Variants in DAB1 observed in about 807,000 individuals in gnomAD.
The protein encoded by DAB1 is DAB adaptor protein 1.
DAB1 carries 15 observed loss-of-function variants against 64.6 expected under a neutral mutation model. The observed-to-expected ratio is 0.23, with a 90% confidence interval of 0.16 to 0.36. DAB1 has a LOEUF of 0.36. Ranked by LOEUF, DAB1 falls within the 10% of genes least tolerant of loss-of-function variation. The pLI, the probability that DAB1 is intolerant of heterozygous loss-of-function variation, is 1.00. For missense variants in DAB1, 596 were observed against 706.7 expected (o/e 0.84, Z 1.78); for synonymous variants, 235 against 251.9 (o/e 0.93, Z 0.64).
intron 6 of DAB1, among the ~76,000 whole-genome samples, chr1:57,755,039 AAC>A (rs1394156157): frequency 5.4e-4 from 82 of 152,338 alleles, no homozygotes; most frequent in African/African-American, 1.9e-3. Flanking sequence ...AAGGTAATCA[AAC>A]ACACAATAAA....
At chr1:57,427,718 CAAAT>C (rs754830769), upstream of DAB1, among the ~76,000 whole-genome samples, 43 of 152,082 alleles carry the variant, frequency 2.8e-4, no homozygotes, top group Non-Finnish European at 5.6e-4. Context: ...GTATAATTGA[CAAAT>C]AATGCCTCAA....
At chr1:58,292,162 C>T (rs1336911305) in intron 4 of DAB1, among the ~76,000 whole-genome samples, 1 of 152,164 alleles carries the variant, frequency 6.6e-6, no homozygotes, top group African/African-American at 2.4e-5. Flanking sequence ...GGCCTTCAGA[C>T]TCAGGCTGAA....
chr1:57,149,307 G>A (rs911002111), intron 2 of DAB1, among the ~76,000 whole-genome samples: 7 of 152,250 alleles, frequency 4.6e-5, no homozygotes, highest in African/African-American at 7.2e-5. Context: ...AAGTTTTTGT[G>A]TGGCTGTATA....
intron 3 of DAB1, among the ~76,000 whole-genome samples, chr1:58,495,693 T>C (rs1255078233): frequency 6.7e-6 from 1 of 148,366 alleles, no homozygotes; most frequent in East Asian, 2.0e-4. Flanking sequence ...GCTAAGGATC[T>C]TCCACCATAA....
At chr1:57,185,458 A>G (rs1318356013) in intron 2 of DAB1, among the ~76,000 whole-genome samples, 2 of 152,174 alleles carry the variant, frequency 1.3e-5, no homozygotes, top group South Asian at 2.1e-4. Context: ...CTGAGAGACA[A>G]TGCAAGATGT....
chr1:57,025,928 T>G, intron 10 of DAB1, 53 bp downstream of exon 10: 1 of 1,399,278 alleles, frequency 7.1e-7, no homozygotes, highest in Non-Finnish European at 9.7e-7. Flanking sequence ...ACTGAGGGGA[T>G]GTGTAAAGAA....
chr1:58,313,905 C>T (rs1332329293), intron 4 of DAB1, among the ~76,000 whole-genome samples: 1 of 150,498 alleles, frequency 6.6e-6, no homozygotes, highest in Non-Finnish European at 1.5e-5. Context: ...ACCTACTCAC[C>T]TCCATCCCAA....
At chr1:57,396,375 T>G (rs1407210848) in intron 1 of DAB1, among the ~76,000 whole-genome samples, 6 of 152,236 alleles carry the variant, frequency 3.9e-5, no homozygotes, top group Non-Finnish European at 5.9e-5. Flanking sequence ...GCTGTTTTTT[T>G]GTTTTGTTTT....
intron 7 of DAB1, among the ~76,000 whole-genome samples, chr1:57,583,806 T>C (rs1645345147): frequency 1.3e-5 from 2 of 152,216 alleles, no homozygotes. Context: ...CAGGTAATCA[T>C]ATCTCCATCT....
At chr1:58,507,482 C>T (rs1195258048) in intron 2 of DAB1, among the ~76,000 whole-genome samples, 1 of 151,788 alleles carries the variant, frequency 6.6e-6, no homozygotes, top group Non-Finnish European at 1.5e-5. Context: ...AAATCTTATT[C>T]AATATTTAAA....
At chr1:58,167,603 G>T (rs1655930241) in intron 4 of DAB1, among the ~76,000 whole-genome samples, 1 of 152,196 alleles carries the variant, frequency 6.6e-6, no homozygotes, top group Non-Finnish European at 1.5e-5. Context: ...CGCTATGGAA[G>T]CTTTGTTCTT....
chr1:57,573,228 A>G (rs1464581123), intron 7 of DAB1, among the ~76,000 whole-genome samples: 1 of 152,006 alleles, frequency 6.6e-6, no homozygotes, highest in African/African-American at 2.4e-5. Flanking sequence ...GCTAGGACTC[A>G]GGTGTATACC....
intron 1 of DAB1, among the ~76,000 whole-genome samples, chr1:57,411,851 G>A (rs1295948930): frequency 1.3e-5 from 2 of 152,186 alleles, no homozygotes; most frequent in East Asian, 3.9e-4. Flanking sequence ...TCAAATGAGA[G>A]CCTGTGAAGC....
At chr1:58,538,735 G>A in intron 1 of DAB1, 1 of 693,184 alleles carries the variant, frequency 1.4e-6, no homozygotes, top group East Asian at 2.6e-5. Flanking sequence ...TAATACGTTA[G>A]CACAAAATAT....
intron 3 of DAB1, among the ~76,000 whole-genome samples, chr1:58,443,611 T>C (rs889652506): frequency 6.6e-6 from 1 of 152,220 alleles, no homozygotes; most frequent in Non-Finnish European, 1.5e-5. Context: ...ATGTAAGATA[T>C]TAACCTTGCG....
At chr1:58,152,669 A>T (rs1013039621) in intron 4 of DAB1, among the ~76,000 whole-genome samples, 14 of 152,186 alleles carry the variant, frequency 9.2e-5, no homozygotes, top group African/African-American at 3.4e-4. Context: ...CTTACTACAC[A>T]TTTAGTGCCA....
intron 4 of DAB1, among the ~76,000 whole-genome samples, chr1:57,092,581 T>C (rs1368519817): frequency 6.6e-6 from 1 of 150,608 alleles, no homozygotes; most frequent in South Asian, 2.1e-4. Flanking sequence ...TCCCCAATCA[T>C]GTGAAACTGT....
chr1:57,578,841 C>T (rs1231737410), intron 7 of DAB1, among the ~76,000 whole-genome samples: 3 of 152,214 alleles, frequency 2.0e-5, no homozygotes, highest in African/African-American at 7.2e-5. Flanking sequence ...GACTAAATGT[C>T]TGACTTCCTT....
intron 1 of DAB1, among the ~76,000 whole-genome samples, chr1:57,333,383 AG>A: frequency 6.6e-6 from 1 of 152,356 alleles, no homozygotes; most frequent in Non-Finnish European, 1.5e-5. Context: ...CTCCGACAGG[AG>A]AATGGGCACA....
Sources: gnomAD v4.1 joint callset for allele counts (sites outside exome capture counted in the v4.1 genomes callset) on GRCh38, gnomAD v4.1.1 for gene constraint, MANE v1.5 for transcripts, NCBI Gene and HGNC (gene_info 2026-07-23, HGNC 2026-07-21) for gene names.